Variants in ADRA1B observed in about 807,000 individuals in gnomAD.
The protein encoded by ADRA1B is alpha-1B adrenergic receptor.
ADRA1B carries 17 observed loss-of-function variants against 17.9 expected under a neutral mutation model. That is an observed-to-expected ratio of 0.95 (90% confidence interval 0.65 to 1.42). ADRA1B has a LOEUF of 1.42. Ranked by LOEUF, ADRA1B falls within the 40% of genes most tolerant of loss-of-function variation. ADRA1B has a pLI of 0.00. For synonymous variants in ADRA1B, 366 were observed against 327.6 expected, an observed-to-expected ratio of 1.12 and a Z score of -1.27; for missense variants, 681 against 722.1, an observed-to-expected ratio of 0.94 and a Z score of 0.65.
At chr5:159,914,546 A>C (rs889822817), upstream of ADRA1B, among the ~76,000 whole-genome samples, 6 of 152,086 alleles carry the variant, frequency 3.9e-5, no homozygotes, top group East Asian at 1.2e-3. Context: ...AAAATAATCC[A>C]TTTTCAGGAC....
rs546149132 is a variant in ADRA1B, at chr5:159,944,818, G to A, written c.949+26964G>A. Among the ~76,000 whole-genome samples the A allele has an allele frequency of 1.1e-3, 164 of 152,234 alleles. 1 individual carries two copies. The highest frequency in any genetic ancestry group is 3.8e-3 in the African/African-American group (159 of 41,544). On this transcript the variant is annotated intron_variant, in intron 1 of 1. Coordinates refer to ENST00000306675, the MANE Select transcript of ADRA1B (RefSeq NM_000679.4). Reference sequence around the variant, plus strand: ...GATCACACAGCCAGATATCTATTAAGTACCTTCCCTGTCTCGAGTACTCTT... The same window carrying A: ...GATCACACAGCCAGATATCTATTAAATACCTTCCCTGTCTCGAGTACTCTT...
At chr5:159,924,596 T>C (rs1754591837) in intron 1 of ADRA1B, among the ~76,000 whole-genome samples, 1 of 152,168 alleles carries the variant, frequency 6.6e-6, no homozygotes, top group Non-Finnish European at 1.5e-5. Flanking sequence ...GAGCTATGCC[T>C]GTCAGGTCTG....
intron 1 of ADRA1B, among the ~76,000 whole-genome samples, chr5:159,961,489 A>G (rs59370313): frequency 0.06 from 9,102 of 152,318 alleles, 319 homozygotes; most frequent in Middle Eastern, 0.078. Context: ...AAAACCTTGA[A>G]GGGAATTTCC....
chr5:159,959,322 C>A (rs1016267715), intron 1 of ADRA1B, among the ~76,000 whole-genome samples: 1 of 152,144 alleles, frequency 6.6e-6, no homozygotes, highest in Admixed American at 6.5e-5. Context: ...AGGCAACAAC[C>A]ATTTATTCAG....
chr5:159,962,488 TCTC>T lies in ADRA1B; in HGVS notation c.950-9390_950-9388del, dbSNP rs527579882. Among the ~76,000 whole-genome samples the T allele has an allele frequency of 6.2e-4, 94 of 152,208 alleles. 1 individual carries two copies. Among genetic ancestry groups the T allele is most frequent in the African/African-American group, 1.3e-3 (55 of 41,504 alleles). On this transcript the variant is annotated intron_variant, in intron 1 of 1. Coordinates refer to ENST00000306675, the MANE Select transcript of ADRA1B (RefSeq NM_000679.4). ...CATCTCATTTCATTTTAAACCTGTC[TCTC>T]ACCTGTGAGGGACCTCGCACTGGTG...
chr5:159,892,665 C>CA (rs2113106052), intron 1 of ADRA1B, among the ~76,000 whole-genome samples: 1 of 152,364 alleles, frequency 6.6e-6, no homozygotes, highest in East Asian at 1.9e-4. Context: ...GACATGATCT[C>CA]ACTCCCTTTT....
intron 1 of ADRA1B, among the ~76,000 whole-genome samples, chr5:159,884,349 G>T (rs1156690478): frequency 1.3e-5 from 2 of 152,156 alleles, no homozygotes; most frequent in Non-Finnish European, 2.9e-5. Context: ...GGTCATGTGG[G>T]CTCTGCCCTC....
intron 1 of ADRA1B, chr5:159,869,028 C>T (rs1407880155): frequency 6.6e-6 from 1 of 152,138 alleles, no homozygotes; most frequent in East Asian, 1.9e-4. Flanking sequence ...AGCCTCAAAT[C>T]AAAAAGGCAG....
At chr5:159,915,469 A>G (rs1754279503), upstream of ADRA1B, among the ~76,000 whole-genome samples, 1 of 152,140 alleles carries the variant, frequency 6.6e-6, no homozygotes, top group South Asian at 2.1e-4. Flanking sequence ...TTCTTGGCCC[A>G]TACTTTCTCT....
intron 1 of ADRA1B, chr5:159,868,930 A>G (rs1246916482): frequency 1.3e-5 from 2 of 152,210 alleles, no homozygotes; most frequent in Admixed American, 1.3e-4. Context: ...CAGTTTTAAA[A>G]GGAAACTTAA....
At chr5:159,918,865 C>T (rs897898338) in intron 1 of ADRA1B, among the ~76,000 whole-genome samples, 1 of 152,112 alleles carries the variant, frequency 6.6e-6, no homozygotes, top group East Asian at 1.9e-4. Flanking sequence ...TTCTCCTATC[C>T]CTGGGGGACA....
intron 1 of ADRA1B, among the ~76,000 whole-genome samples, chr5:159,951,710 A>G (rs1040948239): frequency 1.3e-5 from 2 of 152,156 alleles, no homozygotes; most frequent in Non-Finnish European, 2.9e-5. Context: ...TTGGGGTCTC[A>G]CTGTGCACAA....
chr5:159,948,561 A>T, intron 1 of ADRA1B: 1 of 793,064 alleles, frequency 1.3e-6, no homozygotes, highest in Non-Finnish European at 1.5e-6. Context: ...AAAAAAAGAT[A>T]GTAAAAAGCC....
chr5:159,884,671 A>G (rs1461250975), intron 1 of ADRA1B, among the ~76,000 whole-genome samples: 1 of 152,226 alleles, frequency 6.6e-6, no homozygotes, highest in Non-Finnish European at 1.5e-5. Context: ...GTGGTTTTTC[A>G]CCAATCTATC....
At chr5:159,903,906 A>G (rs1210574813) in intron 1 of ADRA1B, among the ~76,000 whole-genome samples, 1 of 152,168 alleles carries the variant, frequency 6.6e-6, no homozygotes, top group Non-Finnish European at 1.5e-5. Flanking sequence ...AAGGGAGGCT[A>G]AAAGTAGGCT....
At chr5:159,974,281 A>G (rs1755939131), downstream of ADRA1B, among the ~76,000 whole-genome samples, 1 of 152,182 alleles carries the variant, frequency 6.6e-6, no homozygotes, top group Admixed American at 6.5e-5. Context: ...CATTCTTACA[A>G]CTTGATATCC....
intron 1 of ADRA1B, chr5:159,867,943 A>G (rs1753680431): frequency 1.3e-5 from 2 of 152,176 alleles, no homozygotes; most frequent in South Asian, 4.1e-4. Flanking sequence ...AAGCAACAGA[A>G]AAAAAAACTA....
chr5:159,874,431 C>A (rs1278114073), intron 1 of ADRA1B, among the ~76,000 whole-genome samples: 2 of 152,240 alleles, frequency 1.3e-5, no homozygotes, highest in Non-Finnish European at 2.9e-5. Context: ...TTCTTCCCTG[C>A]CAACTAATTC....
At chr5:159,875,843 T>A (rs976243691) in intron 1 of ADRA1B, among the ~76,000 whole-genome samples, 3 of 152,194 alleles carry the variant, frequency 2.0e-5, no homozygotes, top group Admixed American at 2.0e-4. Flanking sequence ...CCCTGATATA[T>A]TTGTTCAGAT....
Sources: allele counts gnomAD v4.1 joint callset (sites outside exome capture counted in the v4.1 genomes callset), GRCh38; gene constraint gnomAD v4.1.1; transcripts MANE v1.5; gene names NCBI Gene and HGNC (gene_info 2026-07-23, HGNC 2026-07-21).